PDZD2: variants seen among roughly 807,000 people sequenced by gnomAD.
PDZD2 encodes PDZ domain-containing protein 2.
Under a neutral mutation model 220.7 loss-of-function variants are expected in PDZD2, and 90 were observed. The observed-to-expected ratio is 0.41, with a 90% CI of 0.34 to 0.49. PDZD2 has a LOEUF of 0.49. Ranked by LOEUF, PDZD2 falls within the 20% of genes least tolerant of loss-of-function variation. The probability of loss-of-function intolerance (pLI) is 0.28; values close to 1 mark genes in which losing one functional copy is unlikely to be tolerated. For synonymous variants in PDZD2, 1,375 were observed against 1,450.5 expected, an observed-to-expected ratio of 0.95 and a Z score of 1.18; for missense variants, 3,174 against 3,608.5, an observed-to-expected ratio of 0.88 and a Z score of 3.08.
intron 2 of PDZD2, among the ~76,000 whole-genome samples, chr5:31,949,165 C>T (rs938673434): frequency 1.3e-5 from 2 of 151,132 alleles, no homozygotes; most frequent in African/African-American, 4.9e-5. Flanking sequence ...ACTCCCATCC[C>T]TAGATTTATT....
intron 1 of PDZD2, among the ~76,000 whole-genome samples, chr5:31,699,788 T>G (rs992466833): frequency 2.1e-5 from 3 of 143,272 alleles, no homozygotes; most frequent in Non-Finnish European, 3.1e-5. Context: ...TTTGTTTTTT[T>G]TTTGTTTTTT....
At chr5:32,084,385 C>T (rs987682604) in intron 19 of PDZD2, among the ~76,000 whole-genome samples, 5 of 152,330 alleles carry the variant, frequency 3.3e-5, no homozygotes, top group African/African-American at 4.8e-5. Context: ...GCTGTTTCTC[C>T]GTCCTCATCC....
intron 2 of PDZD2, among the ~76,000 whole-genome samples, chr5:31,815,078 A>C (rs1755353435): frequency 6.6e-6 from 1 of 151,804 alleles, no homozygotes; most frequent in Admixed American, 6.6e-5. Flanking sequence ...CCCCATCTCT[A>C]CTAAAAATAC....
intron 2 of PDZD2, 68 bp downstream of exon 2, chr5:31,799,792 G>A (rs1295832934): frequency 5.0e-6 from 5 of 1,008,430 alleles, no homozygotes; most frequent in Non-Finnish European, 7.8e-6. Context: ...CAGATCTGCA[G>A]CTGCAGAGGT....
intron 6 of PDZD2, among the ~76,000 whole-genome samples, chr5:32,023,247 G>A (rs981554472): frequency 6.6e-6 from 1 of 151,934 alleles, no homozygotes; most frequent in African/African-American, 2.4e-5. Context: ...GATGCCGGCT[G>A]TCTTTACAGG....
In PDZD2 at chr5:32,100,837, T is replaced by A. The variant is rs1290344546; in HGVS notation, c.8219-268T>A. Reference sequence around the variant, plus strand: ...CTTTCTGGGGATTTCTGCTTGGGCATAAAAGCATTTGCCAATGCTTGCAGA... The same window carrying A: ...CTTTCTGGGGATTTCTGCTTGGGCAAAAAAGCATTTGCCAATGCTTGCAGA... On this transcript the variant is annotated intron_variant, in intron 23 of 24. Transcript: ENST00000438447. 2.7e-6 allele frequency: 4 copies of A among 1,459,674 alleles called. No individual in the cohort carries two copies. The South Asian group carries it at 3.4e-5, about 13-fold the overall frequency. The allele number at this position is 1,459,674 out of a possible 1,614,324, so 90.4% of individuals were successfully genotyped here. A position where few individuals can be genotyped will look rare whatever the true frequency, so the allele number is the denominator to read the frequency against.
At chr5:31,806,577 C>A (rs971614571) in intron 2 of PDZD2, among the ~76,000 whole-genome samples, 1 of 152,216 alleles carries the variant, frequency 6.6e-6, no homozygotes, top group Non-Finnish European at 1.5e-5. Flanking sequence ...CCTGCCCCAT[C>A]TTGAAGGCAC....
chr5:31,852,642 G>T (rs560565637), intron 2 of PDZD2, among the ~76,000 whole-genome samples: 2 of 152,252 alleles, frequency 1.3e-5, no homozygotes, highest in African/African-American at 4.8e-5. Context: ...TGTAGCCCAG[G>T]CTGGAGTGCA....
intron 1 of PDZD2, among the ~76,000 whole-genome samples, chr5:31,703,835 G>C (rs1488764527): frequency 6.6e-6 from 1 of 151,960 alleles, no homozygotes; most frequent in Non-Finnish European, 1.5e-5. Flanking sequence ...TTTCCTGATT[G>C]TAAAAGAAAT....
At chr5:31,679,682 C>CT (rs1746577249) in intron 1 of PDZD2, among the ~76,000 whole-genome samples, 1 of 152,052 alleles carries the variant, frequency 6.6e-6, no homozygotes, top group East Asian at 1.9e-4. Flanking sequence ...TAAGTTTTGT[C>CT]TTTTTTTAGT....
rs531115074 is a variant in PDZD2, at chr5:32,052,207, A to G, written c.1666-404A>G. 4.1e-4 allele frequency among the ~76,000 whole-genome samples: 63 copies of G among 152,162 alleles called. 1 individual carries two copies. In the Middle Eastern group the frequency reaches 0.01, roughly 25 times the overall value. On this transcript the variant is annotated intron_variant, in intron 8 of 24. Transcript: ENST00000438447. Reference sequence around the variant, plus strand: ...GTTGCCCAGGCTGGAGTGCAGTGGCACAATCTCTGCTCACTGCAACCTCCA... The same window carrying G: ...GTTGCCCAGGCTGGAGTGCAGTGGCGCAATCTCTGCTCACTGCAACCTCCA...
chr5:32,069,749 T>G, intron 15 of PDZD2, 99 bp downstream of exon 15: 2 of 685,892 alleles, frequency 2.9e-6, no homozygotes, highest in Non-Finnish European at 5.3e-6. Context: ...TTCTTGGTAA[T>G]TATCAGGTTT....
At chr5:31,811,715 C>T (rs915953255) in intron 2 of PDZD2, among the ~76,000 whole-genome samples, 1 of 152,084 alleles carries the variant, frequency 6.6e-6, no homozygotes, top group Non-Finnish European at 1.5e-5. Flanking sequence ...TCTAGCCAGG[C>T]AGGGTGGCTC....
chr5:31,756,073 G>A (rs1751289833), intron 1 of PDZD2, among the ~76,000 whole-genome samples: 1 of 152,142 alleles, frequency 6.6e-6, no homozygotes, highest in Non-Finnish European at 1.5e-5. Flanking sequence ...TGCCTGGCCT[G>A]TAGAGGAATG....
intron 1 of PDZD2, among the ~76,000 whole-genome samples, chr5:31,667,336 C>T (rs938744867): frequency 2.7e-5 from 4 of 150,388 alleles, no homozygotes; most frequent in South Asian, 2.1e-4. Context: ...ACACTCAAAA[C>T]GCCTAGCCTA....
chr5:32,057,769 T>A, intron 11 of PDZD2, 41 bp downstream of exon 11: 1 of 1,457,576 alleles, frequency 6.9e-7, no homozygotes, highest in Non-Finnish European at 9.6e-7. Context: ...CTATTTTCCT[T>A]TCTTTATTTC....
At chr5:31,677,892 G>A (rs1166319988) in intron 1 of PDZD2, among the ~76,000 whole-genome samples, 2 of 151,918 alleles carry the variant, frequency 1.3e-5, no homozygotes, top group African/African-American at 4.8e-5. Context: ...AGCAGAGGAG[G>A]AAGGGGGGAG....
chr5:31,877,421 A>C (rs28517618), intron 2 of PDZD2, among the ~76,000 whole-genome samples: 3 of 151,840 alleles, frequency 2.0e-5, no homozygotes, highest in Non-Finnish European at 4.4e-5. Context: ...ATCTTGCTGC[A>C]TTGCCCAGGC....
chr5:31,853,576 C>A (rs953197471), intron 2 of PDZD2, among the ~76,000 whole-genome samples: 2 of 152,194 alleles, frequency 1.3e-5, no homozygotes, highest in Non-Finnish European at 2.9e-5. Context: ...CCAGCCCAGG[C>A]TTGACATGGG....
Sources: gnomAD v4.1 joint callset for allele counts (sites outside exome capture counted in the v4.1 genomes callset) on GRCh38, gnomAD v4.1.1 for gene constraint, MANE v1.5 for transcripts, NCBI Gene and HGNC (gene_info 2026-07-23, HGNC 2026-07-21) for gene names.